ADAMTS17: variants seen among roughly 807,000 people sequenced by gnomAD.
ADAMTS17 encodes A disintegrin and metalloproteinase with thrombospondin motifs 17.
A neutral mutation model predicts 141.5 loss-of-function variants in ADAMTS17; 113 were observed. That is an observed-to-expected ratio of 0.80 (90% confidence interval 0.69 to 0.93). The LOEUF is 0.93. Among genes scored for constraint, ADAMTS17 ranks in the 40% least tolerant of loss-of-function variants. The pLI is 0.00. For missense variants in ADAMTS17, 1,659 were observed against 1,517.9 expected (o/e 1.09, Z -1.54); for synonymous variants, 768 against 630.6 (o/e 1.22, Z -3.27).
At chr15:100,201,937 C>T (rs551295238) in intron 7 of ADAMTS17, among the ~76,000 whole-genome samples, 9 of 152,310 alleles carry the variant, frequency 5.9e-5, no homozygotes, top group South Asian at 2.1e-4. Flanking sequence ...CGTGGGTGCA[C>T]GCACACGCTC....
chr15:100,325,848 C>G (rs1004444315), intron 3 of ADAMTS17, among the ~76,000 whole-genome samples: 4 of 152,170 alleles, frequency 2.6e-5, no homozygotes, highest in African/African-American at 4.8e-5. Flanking sequence ...CAACACAAAT[C>G]GACTAACACA....
intron 18 of ADAMTS17, among the ~76,000 whole-genome samples, chr15:100,016,058 A>G (rs1413334047): frequency 6.6e-6 from 1 of 152,154 alleles, no homozygotes; most frequent in Non-Finnish European, 1.5e-5. Context: ...GGCTTTGTTC[A>G]TACTTTCTCA....
chr15:100,301,840 T>G (rs987519265), intron 3 of ADAMTS17, among the ~76,000 whole-genome samples: 2 of 152,236 alleles, frequency 1.3e-5, no homozygotes, highest in Admixed American at 6.5e-5. Context: ...TGTCAACATT[T>G]CATAAACTTG....
At chr15:100,308,203 A>AC (rs796245874) in intron 3 of ADAMTS17, among the ~76,000 whole-genome samples, 67 of 152,170 alleles carry the variant, frequency 4.4e-4, no homozygotes, top group African/African-American at 1.4e-3. Context: ...ACTCACACAC[A>AC]CCCCACAAAA....
At chr15:100,052,281 G>T (rs1020012993) in intron 16 of ADAMTS17, among the ~76,000 whole-genome samples, 5 of 152,238 alleles carry the variant, frequency 3.3e-5, no homozygotes, top group African/African-American at 1.2e-4. Context: ...CAGCTCACTG[G>T]TGATACTGAT....
intron 4 of ADAMTS17, among the ~76,000 whole-genome samples, chr15:100,270,236 T>C (rs1428720191): frequency 6.6e-6 from 1 of 152,198 alleles, no homozygotes; most frequent in East Asian, 1.9e-4. Context: ...TGAGAAGCCA[T>C]TTGTAGCCGC....
intron 7 of ADAMTS17, among the ~76,000 whole-genome samples, chr15:100,252,967 C>T (rs1425169497): frequency 6.6e-6 from 1 of 152,110 alleles, no homozygotes; most frequent in Admixed American, 6.5e-5. Flanking sequence ...CAAGGCCACC[C>T]AGCTGGCACG....
chr15:100,204,951 A>G (rs764410949), intron 7 of ADAMTS17, among the ~76,000 whole-genome samples: 16 of 152,182 alleles, frequency 1.1e-4, no homozygotes, highest in Non-Finnish European at 1.9e-4. Context: ...GTCATACAGC[A>G]GTTATGGCCT....
At chr15:100,097,897 T>C (rs939284112) in intron 14 of ADAMTS17, among the ~76,000 whole-genome samples, 1 of 152,212 alleles carries the variant, frequency 6.6e-6, no homozygotes, top group African/African-American at 2.4e-5. Flanking sequence ...GAAAAAGATC[T>C]AATGGGAAAT....
chr15:100,059,044 G>C (rs557710083), intron 15 of ADAMTS17, among the ~76,000 whole-genome samples: 1 of 152,202 alleles, frequency 6.6e-6, no homozygotes, highest in Non-Finnish European at 1.5e-5. Flanking sequence ...CCTGGCATCA[G>C]TGAACAAGGA....
At chr15:100,079,018 C>G (rs527430610) in intron 15 of ADAMTS17, among the ~76,000 whole-genome samples, 3 of 152,180 alleles carry the variant, frequency 2.0e-5, no homozygotes. Context: ...CAAGGACATA[C>G]CACATTGTAC....
intron 18 of ADAMTS17, among the ~76,000 whole-genome samples, chr15:100,010,014 GT>G (rs1321930127): frequency 2.6e-5 from 4 of 152,140 alleles, no homozygotes; most frequent in African/African-American, 9.7e-5. Context: ...CATGAGGGTG[GT>G]TTTTTTCCCG....
chr15:100,132,228 GCCGTGCTGCC>G, intron 11 of ADAMTS17, 76 bp from the exon 12 acceptor site: 2 of 1,553,878 alleles, frequency 1.3e-6, no homozygotes, highest in Admixed American at 1.9e-5. Flanking sequence ...GCCCCAAAAT[GCCGTGCTGCC>G]AAAAACCCAT....
At position 100,273,120 on chromosome 15, in the gene ADAMTS17, C is replaced by G. The variant is rs151008593; in HGVS notation, c.789+8109G>C. On this transcript the variant is annotated intron_variant, in intron 4 of 21. Coordinates refer to ENST00000268070, the MANE Select transcript of ADAMTS17 (RefSeq NM_139057.4). The stretch of plus-strand genomic sequence containing the variant: ...AGTATTTTATTGAGGACTTTTACGT[C>G]AATGAATATTTGAACTATTGTTTTC... Among the ~76,000 whole-genome samples the G allele has an allele frequency of 5.5e-3, 831 of 152,154 alleles. 8 individuals are homozygous for G. The highest frequency in any genetic ancestry group is 0.018 in the African/African-American group (768 of 41,538).
chr15:100,048,011 A>G (rs889071497), intron 18 of ADAMTS17, among the ~76,000 whole-genome samples: 8 of 152,084 alleles, frequency 5.3e-5, no homozygotes, highest in Non-Finnish European at 1.0e-4. Flanking sequence ...ACTCAAACAC[A>G]TTTTAAGAGT....
intron 7 of ADAMTS17, among the ~76,000 whole-genome samples, chr15:100,201,498 A>G (rs7171066): frequency 0.28 from 42,857 of 152,110 alleles, 6,810 homozygotes; most frequent in African/African-American, 0.42. Flanking sequence ...TTATAGCAGC[A>G]TGAAAACAGA....
At chr15:100,250,727 T>C (rs1376173823) in intron 7 of ADAMTS17, among the ~76,000 whole-genome samples, 1 of 152,150 alleles carries the variant, frequency 6.6e-6, no homozygotes, top group Non-Finnish European at 1.5e-5. Context: ...GAAGCCTGAT[T>C]AAGAGCTGTA....
intron 6 of ADAMTS17, chr15:100,256,420 T>C (rs28572432): frequency 0.098 from 14,868 of 152,184 alleles, 1,456 homozygotes; most frequent in African/African-American, 0.25. Context: ...AGGCATACAG[T>C]TGGGACTTAA....
intron 8 of ADAMTS17, among the ~76,000 whole-genome samples, chr15:100,179,008 C>T (rs1172805277): frequency 1.3e-5 from 2 of 151,978 alleles, no homozygotes; most frequent in East Asian, 3.8e-4. Flanking sequence ...TTATGGGGTG[C>T]ATGAGATATT....
Sources: allele counts gnomAD v4.1 joint callset (sites outside exome capture counted in the v4.1 genomes callset), GRCh38; gene constraint gnomAD v4.1.1; transcripts MANE v1.5; gene names NCBI Gene and HGNC (gene_info 2026-07-23, HGNC 2026-07-21).